The following ZNF622 variants were observed in gnomAD, a reference collection of about 807,000 sequenced individuals.
ZNF622 encodes zinc finger protein 622.
Under a neutral mutation model 49.7 loss-of-function variants are expected in ZNF622, and 34 were observed. The ratio of observed to expected loss-of-function variants is 0.68; its 90% CI spans 0.52 to 0.91. ZNF622 has a LOEUF of 0.91. ZNF622 is among the 40% of genes least tolerant of loss of function. The pLI, the probability that ZNF622 is intolerant of heterozygous loss-of-function variation, is 0.00. For synonymous variants in ZNF622, 209 were observed against 228.7 expected (o/e 0.91, Z 0.78); for missense variants, 569 against 616.4 (o/e 0.92, Z 0.81).
rs1180671323 is a variant in ZNF622, at chr5:16,465,529, C to G, written c.137G>C (p.Gly46Ala). Reference protein sequence around the residue: ...VASMAPVTAEGFQERVRAQRA... With the variant: ...VASMAPVTAEAFQERVRAQRA... ...CTGCGCCCGCACTCGCTCCTGGAAG[C>G]CCTCGGCGGTCACTGGGGCCATGCT... The change falls in exon 1 of 6, where the codon GGC becomes GCC. Residue 46 changes from glycine (G) to alanine (A), a missense_variant. By Grantham distance (60) the Gly-to-Ala change is moderately conservative. Transcript: ENST00000308683. This position sits in a 1 kb window ranked among gnomAD's most constrained non-coding sequence, Gnocchi z 6.2. 1 of 1,613,992 alleles carries G rather than the reference C, an allele frequency of 6.2e-7. No homozygotes were observed. The highest frequency in any genetic ancestry group is 1.7e-5 in the Admixed American group (1 of 60,012).
intron 4 of ZNF622, among the ~76,000 whole-genome samples, chr5:16,453,495 AC>A (rs957954928): frequency 2.7e-5 from 4 of 148,874 alleles, no homozygotes; most frequent in African/African-American, 9.8e-5. Flanking sequence ...CCCTACTAAT[AC>A]AGATAATAGG....
At chr5:16,454,587 T>C (rs1454745121) in intron 4 of ZNF622, among the ~76,000 whole-genome samples, 1 of 151,446 alleles carries the variant, frequency 6.6e-6, no homozygotes, top group Non-Finnish European at 1.5e-5. Flanking sequence ...AGTAAAGATA[T>C]CTACTGGAGG....
intron 4 of ZNF622, among the ~76,000 whole-genome samples, chr5:16,456,235 T>C (rs540899360): frequency 2.0e-5 from 3 of 152,266 alleles, no homozygotes; most frequent in East Asian, 1.9e-4. Flanking sequence ...GCTGAGACTA[T>C]AGGCACACAC....
Position 16,453,019 on chromosome 5 carries a change from T to C in ZNF622, c.1300A>G (p.Ser434Gly). 2 of 1,469,918 alleles carry C rather than the reference T, an allele frequency of 1.4e-6. No homozygotes were observed. The highest frequency in any genetic ancestry group is 1.8e-6 in the Non-Finnish European group (2 of 1,100,308). The allele number at this position is 1,469,918 out of a possible 1,614,324, so 91.1% of individuals were successfully genotyped here. Residue 434 changes from serine (S) to glycine (G), a missense_variant, in exon 5 of 6, where the codon AGC (serine) becomes GGC (glycine). Transcript: ENST00000308683. ...GTTGTAAAGATCAATGTACCTGTGC[T>C]GCCAGTCCATCCCAGGGCTCTGTAC... Reference protein sequence around the residue: ...QQYRALGWTGSTGAALMRERD... With the variant: ...QQYRALGWTGGTGAALMRERD...
rs149586170 is a variant in ZNF622 at position 16,453,094 on chromosome 5, C to T, written c.1225G>A (p.Ala409Thr). The change falls in exon 5 of 6, where the codon GCT becomes ACT. Residue 409 changes from alanine to threonine, a missense_variant. Physicochemically the swap from Ala to Thr is moderately conservative, Grantham distance 58. Coordinates refer to ENST00000308683, the MANE Select transcript of ZNF622 (RefSeq NM_033414.3). ...TTCCGATTTTTGGCAACTGCCACAG[C>T]TCTTGACAAGCCAAATCGCTGTTTG... ...YYKQRFGLSRAVAVAKNRKAV... is the reference protein window; with the variant it reads ...YYKQRFGLSRTVAVAKNRKAV... 132 of 1,587,612 alleles carry T rather than the reference C, an allele frequency of 8.3e-5. 1 individual carries two copies. Among genetic ancestry groups the T allele is most frequent in the Middle Eastern group, 1.7e-4 (1 of 5,966 alleles).
chr5:16,459,321 C>A (rs904042682), intron 3 of ZNF622, among the ~76,000 whole-genome samples: 1 of 152,132 alleles, frequency 6.6e-6, no homozygotes, highest in Non-Finnish European at 1.5e-5. Flanking sequence ...AGATACCTCA[C>A]AAAAAGATAT....
In ZNF622 at chr5:16,451,741, C is replaced by T. The variant is rs981657240; in HGVS notation, c.1350G>A (p.Arg450=). ...MRERDMQYVQ[R]MKSKWMLKTG... is the part of the protein sequence containing the mutation. ...TCTTCAGCATCCATTTTGATTTCAT[C>T]CTTTGGACATACTGCATGTCTCGCT... is the stretch of plus-strand genomic sequence containing the variant. Residue 450 remains arginine, a synonymous_variant, in exon 6 of 6, where the codon AGG becomes AGA. Coordinates refer to ENST00000308683, the MANE Select transcript of ZNF622 (RefSeq NM_033414.3). 3 of 1,614,094 alleles carry T rather than the reference C, an allele frequency of 1.9e-6. No homozygotes were observed. The highest frequency in any genetic ancestry group is 1.7e-5 in the Admixed American group (1 of 60,000).
intron 3 of ZNF622, among the ~76,000 whole-genome samples, 160 bp from the exon 4 acceptor site, chr5:16,458,789 C>A (rs1738075547): frequency 6.6e-6 from 1 of 152,190 alleles, no homozygotes; most frequent in South Asian, 2.1e-4. Flanking sequence ...TGGGAGAAAA[C>A]AACTCGTTAG....
chr5:16,463,894 A>G lies in ZNF622; in HGVS notation c.626-152T>C, dbSNP rs372671286. The G allele has an allele frequency of 1.1e-4, 87 of 814,862 alleles. No individual in the cohort carries two copies. In the African/African-American group the frequency reaches 1.3e-3, roughly 12 times the overall value. The allele number at this position is 814,862 out of a possible 1,614,324, so 50.5% of individuals were successfully genotyped here. A position where few individuals can be genotyped will look rare whatever the true frequency, so the allele number is the denominator to read the frequency against. On this transcript the variant is annotated intron_variant, in intron 1 of 5. Coordinates refer to ENST00000308683, the MANE Select transcript of ZNF622 (RefSeq NM_033414.3). This position sits in a 1 kb window ranked among gnomAD's most constrained non-coding sequence, Gnocchi z 4.2. ...ACTCCTCTTTCAAGATCTCAATTTT[A>G]GCTATTTGTTTACCACAGACTCATC...
At chr5:16,453,544 ATAAATAAATAAAAAT>A (rs1282720710) in intron 4 of ZNF622, among the ~76,000 whole-genome samples, 1 of 137,666 alleles carries the variant, frequency 7.3e-6, no homozygotes, top group African/African-American at 2.7e-5. Flanking sequence ...TTTTATATAT[ATAAATAAATAAAAAT>A]TATATATATA....
rs751051526 is a variant in ZNF622, at chr5:16,463,693, T to C, written c.675A>G (p.Glu225=). The C allele has an allele frequency of 6.2e-7, 1 of 1,614,232 alleles. No homozygotes were observed. The highest frequency in any genetic ancestry group is 8.5e-7 in the Non-Finnish European group (1 of 1,180,038). Residue 225 remains glutamate (E), a synonymous_variant, in exon 2 of 6, where the codon GAA becomes GAG. Coordinates refer to ENST00000308683, the MANE Select transcript of ZNF622 (RefSeq NM_033414.3). This position sits in a 1 kb window ranked among gnomAD's most constrained non-coding sequence, Gnocchi z 4.2. ...CCTGCTCCACCACATCGTCCATTGCTTCAGTATCCTCACATTCCAATTCTT... is the reference window on the plus strand; with the variant it reads ...CCTGCTCCACCACATCGTCCATTGCCTCAGTATCCTCACATTCCAATTCTT... The part of the protein sequence containing the change: ...SDEELECEDT[E]AMDDVVEQDA...
chr5:16,461,811 T>G (rs894856612), intron 3 of ZNF622, among the ~76,000 whole-genome samples: 1 of 152,112 alleles, frequency 6.6e-6, no homozygotes, highest in African/African-American at 2.4e-5. Flanking sequence ...AAGGCTATAC[T>G]AGAGATATAA....
Position 16,465,705 on chromosome 5 carries a change from G to T in ZNF622, c.-40C>A. ...TAAGAACCGACCAAGCCAAACACCT[G>T]GTGATCAGCGCCGTGGCCCCACAAG... is the stretch of plus-strand genomic sequence containing the variant. On this transcript the variant is annotated 5_prime_UTR_variant, in exon 1 of 6. Coordinates refer to ENST00000308683, the MANE Select transcript of ZNF622 (RefSeq NM_033414.3). This position sits in a 1 kb window ranked among gnomAD's most constrained non-coding sequence, Gnocchi z 6.2. 1 of 1,529,644 alleles carries T rather than the reference G, an allele frequency of 6.5e-7. No homozygotes were observed. The highest frequency in any genetic ancestry group is 8.8e-7 in the Non-Finnish European group (1 of 1,140,546). 94.8% of individuals were successfully genotyped at this position (1,529,644 alleles called of 1,614,324 possible). A position where few individuals can be genotyped will look rare whatever the true frequency, so the allele number is the denominator to read the frequency against.
rs548912446 is a variant in ZNF622 at position 16,452,955 on chromosome 5, G to C, written c.1306+58C>G. 3 of 1,345,928 alleles carry C rather than the reference G, an allele frequency of 2.2e-6. No individual in the cohort carries two copies. In the African/African-American group the frequency reaches 4.4e-5, roughly 20 times the overall value. 83.4% of individuals were successfully genotyped at this position (1,345,928 alleles called of 1,614,324 possible). A position where few individuals can be genotyped will look rare whatever the true frequency, so the allele number is the denominator to read the frequency against. ...ACATAAATGGAAACAACTTTCCCCA[G>C]ACCCCTTCTAGAAATACAAGTTCTC... On this transcript the variant is annotated intron_variant, in intron 5 of 5. Transcript: ENST00000308683.
chr5:16,463,687 C>T lies in ZNF622; in HGVS notation c.681G>A (p.Met227Ile), dbSNP rs1250222950. Residue 227 changes from methionine (M) to isoleucine (I), a missense_variant, in exon 2 of 6, where the codon ATG becomes ATA. By Grantham distance (10) the Met-to-Ile change is conservative (BLOSUM62 1). Transcript: ENST00000308683. This position sits in a 1 kb window ranked among gnomAD's most constrained non-coding sequence, Gnocchi z 4.2. Reference sequence around the variant, plus strand: ...CTGCATCCTGCTCCACCACATCGTCCATTGCTTCAGTATCCTCACATTCCA... The same window carrying T: ...CTGCATCCTGCTCCACCACATCGTCTATTGCTTCAGTATCCTCACATTCCA... Reference protein sequence around the residue: ...EELECEDTEAMDDVVEQDAEE... With the variant: ...EELECEDTEAIDDVVEQDAEE... 2 of 1,614,238 alleles carry T rather than the reference C, an allele frequency of 1.2e-6. No homozygotes were observed. The highest frequency in any genetic ancestry group is 1.3e-5 in the African/African-American group (1 of 75,058).
At chr5:16,461,714 T>C (rs1454184341) in intron 3 of ZNF622, among the ~76,000 whole-genome samples, 1 of 152,158 alleles carries the variant, frequency 6.6e-6, no homozygotes, top group African/African-American at 2.4e-5. Flanking sequence ...GGAGTTGATT[T>C]TGGACAGGTT....
At chr5:16,459,952 G>A (rs1002281554) in intron 3 of ZNF622, among the ~76,000 whole-genome samples, 2 of 152,144 alleles carry the variant, frequency 1.3e-5, no homozygotes, top group African/African-American at 2.4e-5. Flanking sequence ...CTAGGTGCTA[G>A]TTATATTTAA....
rs374942052 is a variant in ZNF622 at position 16,462,972 on chromosome 5, T to G, written c.1049+136A>C. 54 of 766,650 alleles carry G rather than the reference T, an allele frequency of 7.0e-5. No individual in the cohort carries two copies. In the East Asian group the frequency reaches 9.8e-4, roughly 14 times the overall value. The allele number at this position is 766,650 out of a possible 1,614,324, so 47.5% of individuals were successfully genotyped here. On this transcript the variant is annotated intron_variant, in intron 3 of 5. Transcript: ENST00000308683. The stretch of plus-strand genomic sequence containing the variant: ...AGTTTCTCAACTACAAAGAAAGAAC[T>G]ACCTAATACAGAGGTGTTATAAGTG...
rs1738068114 is a variant in ZNF622, at chr5:16,458,467, C to A, written c.1162+50G>T. The stretch of plus-strand genomic sequence containing the variant: ...AAGTAATTGATGGAGATATGCTTCT[C>A]CCTCAATCCCACTGGCATTAAGCTA... On this transcript the variant is annotated intron_variant, in intron 4 of 5. Transcript: ENST00000308683. 4 of 1,252,812 alleles carry A rather than the reference C, an allele frequency of 3.2e-6. No homozygotes were observed. In the East Asian group the frequency reaches 9.3e-5, roughly 29 times the overall value. 77.6% of individuals were successfully genotyped at this position (1,252,812 alleles called of 1,614,324 possible).
Sources: gnomAD v4.1 joint callset for allele counts (sites outside exome capture counted in the v4.1 genomes callset) on GRCh38, gnomAD v4.1.1 for gene constraint, Gnocchi (gnomAD v3.1) non-coding constraint, MANE v1.5 for transcripts, NCBI Gene and HGNC (gene_info 2026-07-23, HGNC 2026-07-21) for gene names.